RGS18: variants seen among roughly 807,000 people sequenced by gnomAD.
The protein encoded by RGS18 is regulator of G-protein signaling 18.
In RGS18, 22 loss-of-function variants were observed where a neutral mutation model predicts 27.6. That is an observed-to-expected ratio of 0.80 (90% confidence interval 0.57 to 1.14). The LOEUF (loss-of-function observed/expected upper bound fraction) is 1.14, where lower values mean the gene tolerates loss of function less well. RGS18 is among the 50% of genes most tolerant of loss of function. The pLI, the probability that RGS18 is intolerant of heterozygous loss-of-function variation, is 0.00. For synonymous variants in RGS18, 89 were observed against 84.6 expected, an observed-to-expected ratio of 1.05 and a Z score of -0.29; for missense variants, 299 against 269.6, an observed-to-expected ratio of 1.11 and a Z score of -0.76.
intron 3 of RGS18, among the ~76,000 whole-genome samples, chr1:192,175,812 G>C (rs1180167892): frequency 6.6e-6 from 1 of 151,756 alleles, no homozygotes; most frequent in East Asian, 1.9e-4. Context: ...CCTATGTCTT[G>C]GGCTACAATT....
chr1:192,160,399 G>A lies in RGS18; in HGVS notation c.243G>A (p.Val81=), dbSNP rs767031526. 4 of 1,612,434 alleles carry A rather than the reference G, an allele frequency of 2.5e-6. No homozygotes were observed. The South Asian group carries it at 4.4e-5, about 18-fold the overall frequency. ...ACAGAGTCTCCCCTGAAGAGGCAGT[G>A]AAATGGGGTGAATCATTTGACAAAC... ...KETRVSPEEA[V]KWGESFDKLL... Residue 81 remains valine, a synonymous_variant, in exon 3 of 5, where the codon GTG becomes GTA. Coordinates refer to ENST00000367460, the MANE Select transcript of RGS18 (RefSeq NM_130782.3).
chr1:192,177,294 T>C (rs183607513), intron 3 of RGS18, among the ~76,000 whole-genome samples: 5 of 151,756 alleles, frequency 3.3e-5, no homozygotes, highest in African/African-American at 1.2e-4. Flanking sequence ...TTACCAGCTC[T>C]GATTGTCCAT....
chr1:192,165,530 C>T (rs889922414), intron 3 of RGS18, among the ~76,000 whole-genome samples: 2 of 152,166 alleles, frequency 1.3e-5, no homozygotes, highest in Non-Finnish European at 2.9e-5. Flanking sequence ...ATCACGGAAC[C>T]TGCCGATGTG....
At chr1:192,162,901 G>A (rs1223081871) in intron 3 of RGS18, among the ~76,000 whole-genome samples, 6 of 152,122 alleles carry the variant, frequency 3.9e-5, no homozygotes, top group Non-Finnish European at 8.8e-5. Context: ...TATAATATAA[G>A]TATTTATTAG....
intron 3 of RGS18, among the ~76,000 whole-genome samples, chr1:192,174,162 CAT>C (rs1656317189): frequency 6.6e-6 from 1 of 151,780 alleles, no homozygotes; most frequent in Non-Finnish European, 1.5e-5. Flanking sequence ...ATTTCTCTAA[CAT>C]GTAGGTTATT....
Position 192,185,642 on chromosome 1 carries a change from T to A in RGS18, c.*1088T>A, listed in dbSNP as rs1656536230. The A allele has an allele frequency of 6.6e-6, 1 of 151,708 alleles. No homozygotes were observed. Among genetic ancestry groups the A allele is most frequent in the South Asian group, 2.1e-4 (1 of 4,830 alleles). The allele number at this position is 151,708 out of a possible 1,614,324, so 9.4% of individuals were successfully genotyped here. On this transcript the variant is annotated 3_prime_UTR_variant, in exon 5 of 5. Transcript: ENST00000367460. ...TTTTAAAGAGATATTTAATTTTTAA[T>A]GTGTGTTACATGGTCTGTAAATATT... is the stretch of plus-strand genomic sequence containing the variant.
intron 3 of RGS18, among the ~76,000 whole-genome samples, chr1:192,171,985 C>CT (rs1278132921): frequency 6.6e-6 from 1 of 151,914 alleles, no homozygotes; most frequent in Non-Finnish European, 1.5e-5. Context: ...GCAGGCTATT[C>CT]TTTTTTTGGA....
chr1:192,182,134 A>AT (rs1656467203), intron 4 of RGS18, among the ~76,000 whole-genome samples: 1 of 151,686 alleles, frequency 6.6e-6, no homozygotes, highest in African/African-American at 2.4e-5. Context: ...GATACTGTGA[A>AT]TAATGCTGCA....
At chr1:192,172,597 T>A (rs992870106) in intron 3 of RGS18, among the ~76,000 whole-genome samples, 5 of 151,770 alleles carry the variant, frequency 3.3e-5, no homozygotes, top group Non-Finnish European at 7.4e-5. Flanking sequence ...ATTTCCTGGG[T>A]CATGACCATC....
Position 192,158,529 on chromosome 1 carries a change from A to C in RGS18, c.-109A>C. On this transcript the variant is annotated 5_prime_UTR_variant, in exon 1 of 5. Transcript: ENST00000367460. Reference sequence around the variant, plus strand: ...ACTTCTTTTTTGTAAACATTACTGTAAGAGTTGTGATAACTTTTTATTCTA... The same window carrying C: ...ACTTCTTTTTTGTAAACATTACTGTCAGAGTTGTGATAACTTTTTATTCTA... The C allele has an allele frequency of 1.0e-6, 1 of 964,518 alleles. No individual in the cohort carries two copies. The highest frequency in any genetic ancestry group is 1.4e-6 in the Non-Finnish European group (1 of 714,852). 59.7% of individuals were successfully genotyped at this position (964,518 alleles called of 1,614,324 possible). A position where few individuals can be genotyped will look rare whatever the true frequency, so the allele number is the denominator to read the frequency against.
chr1:192,174,318 GC>G (rs1208562702), intron 3 of RGS18, among the ~76,000 whole-genome samples: 1 of 151,724 alleles, frequency 6.6e-6, no homozygotes, highest in Non-Finnish European at 1.5e-5. Context: ...AAGGTATCAA[GC>G]TTTTTGAAAT....
At chr1:192,170,967 A>C (rs1656245073) in intron 3 of RGS18, among the ~76,000 whole-genome samples, 1 of 152,138 alleles carries the variant, frequency 6.6e-6, no homozygotes, top group Non-Finnish European at 1.5e-5. Flanking sequence ...GGGAAAGAAA[A>C]TCAAATAGGA....
At chr1:192,174,077 T>C (rs1024637928) in intron 3 of RGS18, among the ~76,000 whole-genome samples, 1 of 151,870 alleles carries the variant, frequency 6.6e-6, no homozygotes, top group Non-Finnish European at 1.5e-5. Context: ...CTGTTTAAGC[T>C]GCATCTCACA....
In RGS18 at chr1:192,162,139, C is replaced by G. The variant is rs1340326573; in HGVS notation, c.283+1700C>G. On this transcript the variant is annotated intron_variant, in intron 3 of 4. Transcript: ENST00000367460. ...AGTTTAACTTGTATTCCTTATATTT[C>G]ACTCTAAGACTAGCTACTATCACTT... Among the ~76,000 whole-genome samples, 4 of 152,176 alleles carry G rather than the reference C, an allele frequency of 2.6e-5. No homozygotes were observed. The East Asian group carries it at 7.7e-4, about 29-fold the overall frequency.
At chr1:192,172,923 T>C (rs1656289940) in intron 3 of RGS18, among the ~76,000 whole-genome samples, 1 of 146,792 alleles carries the variant, frequency 6.8e-6, no homozygotes. Flanking sequence ...TCTGGGGCAA[T>C]TGAACTTATC....
chr1:192,165,044 G>A (rs377688296), intron 3 of RGS18, among the ~76,000 whole-genome samples: 55 of 152,214 alleles, frequency 3.6e-4, no homozygotes, highest in African/African-American at 1.3e-3. Context: ...TCTTATTGCC[G>A]AAAATGGGTA....
At chr1:192,163,425 G>A (rs978092547) in intron 3 of RGS18, 1 of 152,062 alleles carries the variant, frequency 6.6e-6, no homozygotes, top group African/African-American at 2.4e-5. Context: ...GAAAGATTTA[G>A]CAGGATGATT....
chr1:192,172,843 T>G (rs538780758), intron 3 of RGS18, among the ~76,000 whole-genome samples: 77 of 139,264 alleles, frequency 5.5e-4, no homozygotes, highest in Admixed American at 9.2e-4. Flanking sequence ...AAGGAAACAA[T>G]GCCTTCCTGA....
At chr1:192,168,327 A>G (rs1263769811) in intron 3 of RGS18, 1 of 152,102 alleles carries the variant, frequency 6.6e-6, no homozygotes, top group African/African-American at 2.4e-5. Context: ...TCCTTTATTC[A>G]TTTCTTGAAT....
Sources: gnomAD v4.1 joint callset for allele counts (sites outside exome capture counted in the v4.1 genomes callset) on GRCh38, gnomAD v4.1.1 for gene constraint, MANE v1.5 for transcripts, NCBI Gene and HGNC (gene_info 2026-07-23, HGNC 2026-07-21) for gene names.